PDLIM3: variants seen among roughly 807,000 people sequenced by gnomAD.
PDLIM3 encodes PDZ and LIM domain 3.
PDLIM3 carries 36 observed loss-of-function variants against 37.3 expected under a neutral mutation model. The ratio of observed to expected loss-of-function variants is 0.97; its 90% confidence interval spans 0.74 to 1.28. PDLIM3 has a LOEUF of 1.28. Ranked by LOEUF, PDLIM3 falls within the 50% of genes most tolerant of loss-of-function variation. The pLI is 0.00. For synonymous variants in PDLIM3, 174 were observed against 182.4 expected, an observed-to-expected ratio of 0.95 and a Z score of 0.37; for missense variants, 454 against 485.0, an observed-to-expected ratio of 0.94 and a Z score of 0.60.
chr4:185,532,320 G>A (rs2095745947), intron 1 of PDLIM3, among the ~76,000 whole-genome samples: 1 of 152,180 alleles, frequency 6.6e-6, no homozygotes, highest in South Asian at 2.1e-4. Flanking sequence ...CAGATTAGAA[G>A]GTTTCTGCCT....
At position 185,535,477 on chromosome 4, in the gene PDLIM3, A is replaced by G. The variant is rs1279832073; in HGVS notation, c.-43T>C. On this transcript the variant is annotated 5_prime_UTR_variant, in exon 1 of 8. Transcript: ENST00000284767. ...CACCGGGCTCTAAGTGTCCCCGCGC[A>G]GGGCAGCCACTCCGCGCCGGGCGGC... 2.6e-6 allele frequency: 4 copies of G among 1,510,674 alleles called. No individual in the cohort carries two copies. The highest frequency in any genetic ancestry group is 1.2e-5 in the South Asian group (1 of 82,100). The allele number at this position is 1,510,674 out of a possible 1,614,324, so 93.6% of individuals were successfully genotyped here. A position where few individuals can be genotyped will look rare whatever the true frequency, so the allele number is the denominator to read the frequency against.
At position 185,514,767 on chromosome 4, in the gene PDLIM3, T is replaced by C. The variant is rs748801058; in HGVS notation, c.331-430A>G. The C allele has an allele frequency of 6.4e-7, 1 of 1,552,054 alleles. No homozygotes were observed. The highest frequency in any genetic ancestry group is 8.7e-7 in the Non-Finnish European group (1 of 1,147,066). On this transcript the variant is annotated intron_variant, in intron 3 of 7. Transcript: ENST00000284767. The surrounding 1 kb of genome is among the most constrained non-coding windows in gnomAD (Gnocchi z 4.0). ...TGAAGCGCATCTTGTATATTGCTAG[T>C]TGAATAGAGCCCAATTGGCGAGTTA...
At chr4:185,510,655 GA>G (rs549467578) in intron 4 of PDLIM3, among the ~76,000 whole-genome samples, 1 of 151,562 alleles carries the variant, frequency 6.6e-6, no homozygotes, top group South Asian at 2.1e-4. Flanking sequence ...ATATTTATTG[GA>G]AAAAAAATCC....
At position 185,514,303 on chromosome 4, in the gene PDLIM3, C is replaced by T. The variant is rs751951109; in HGVS notation, c.365G>A (p.Arg122Gln). 11 of 1,613,994 alleles carry T rather than the reference C, an allele frequency of 6.8e-6. No individual in the cohort carries two copies. The highest frequency in any genetic ancestry group is 4.0e-5 in the African/African-American group (3 of 74,894). ...GNYFEHKHNI[R>Q]PKPFVIPGRS... is the part of the protein sequence containing the mutation. ...GCCCGGGATCACGAAAGGTTTGGGC[C>T]GAATATTATGCTTGTGTTCAAAGTA... The change falls in exon 4 of 8, where the codon CGG becomes CAG. Residue 122 changes from arginine (R) to glutamine (Q), a missense_variant. By Grantham distance (43) the Arg-to-Gln change is conservative. Coordinates refer to ENST00000284767, the MANE Select transcript of PDLIM3 (RefSeq NM_014476.6). The surrounding 1 kb of genome is among the most constrained non-coding windows in gnomAD (Gnocchi z 4.0).
chr4:185,528,661 A>G (rs1027078430), intron 1 of PDLIM3, among the ~76,000 whole-genome samples: 2 of 152,260 alleles, frequency 1.3e-5, no homozygotes, highest in Non-Finnish European at 2.9e-5. Context: ...CAGCTAGGAC[A>G]GGTGGTTGAT....
intron 7 of PDLIM3, among the ~76,000 whole-genome samples, chr4:185,503,887 G>T (rs1380478945): frequency 6.6e-6 from 1 of 152,200 alleles, no homozygotes; most frequent in Non-Finnish European, 1.5e-5. Flanking sequence ...GGTGGAGCTT[G>T]CAGTGAGCCA....
intron 3 of PDLIM3, among the ~76,000 whole-genome samples, chr4:185,519,368 C>T (rs1183584495): frequency 6.6e-6 from 1 of 152,196 alleles, no homozygotes; most frequent in African/African-American, 2.4e-5. Context: ...TCACTGCAAC[C>T]TCCACCTCTT....
chr4:185,515,651 A>G, intron 3 of PDLIM3: 1 of 152,164 alleles, frequency 6.6e-6, no homozygotes, highest in Non-Finnish European at 1.5e-5. Context: ...GGTTCACAGG[A>G]GGATTTTCAC....
At chr4:185,511,817 G>A (rs1321978237) in intron 4 of PDLIM3, among the ~76,000 whole-genome samples, 2 of 152,154 alleles carry the variant, frequency 1.3e-5, no homozygotes. Flanking sequence ...TCGAGGTGAT[G>A]GATACCCCCA....
Position 185,521,399 on chromosome 4 carries a change from CTT to C in PDLIM3, c.330+1961_330+1962del, listed in dbSNP as rs528835696. Among the ~76,000 whole-genome samples the C allele has an allele frequency of 1.9e-3, 84 of 44,988 alleles. 15 individuals carry two copies. Among genetic ancestry groups the C allele is most frequent in the African/African-American group, 2.9e-3 (79 of 27,222 alleles). The allele number at this position is 44,988 out of a possible 152,430, so 29.5% of individuals were successfully genotyped here. A position where few individuals can be genotyped will look rare whatever the true frequency, so the allele number is the denominator to read the frequency against. ...ATCCCACTCAACTTTCTTTTCTTTT[CTT>C]TTTTTTTTTTTTTGAGACAGGGTCT... On this transcript the variant is annotated intron_variant, in intron 3 of 7. Coordinates refer to ENST00000284767, the MANE Select transcript of PDLIM3 (RefSeq NM_014476.6).
At chr4:185,529,483 C>T (rs541079624) in intron 1 of PDLIM3, among the ~76,000 whole-genome samples, 8 of 152,182 alleles carry the variant, frequency 5.3e-5, no homozygotes, top group African/African-American at 1.7e-4. Flanking sequence ...AAGCACTGCA[C>T]GGTAGGCACG....
intron 6 of PDLIM3, among the ~76,000 whole-genome samples, chr4:185,505,577 T>C (rs2095695316): frequency 6.6e-6 from 1 of 151,340 alleles, no homozygotes; most frequent in African/African-American, 2.4e-5. Context: ...GCCAAGATTG[T>C]GCCACTCACT....
intron 4 of PDLIM3, 89 bp from the exon 5 acceptor site, chr4:185,508,651 T>C (rs2095701923): frequency 2.2e-6 from 3 of 1,349,390 alleles, no homozygotes; most frequent in South Asian, 2.4e-5. Context: ...ACAGAGAGGT[T>C]AAAAGGAATT....
rs1299231345 is a variant in PDLIM3 at position 185,502,406 on chromosome 4, T to C, written c.983A>G (p.Lys328Arg). ...TTCTATGAAGAAGTAGCCCTTTTGC[T>C]TGAGGTTGAGGTTGCAGTCGGCACA... ...FVCADCNLNL[K>R]QKGYFFIEGE... Residue 328 changes from lysine (K) to arginine (R), a missense_variant, in exon 8 of 8, where the codon AAG (lysine) becomes AGG (arginine). Transcript: ENST00000284767. 4.3e-6 allele frequency: 7 copies of C among 1,614,066 alleles called. No homozygotes were observed. The South Asian group carries it at 6.6e-5, about 15-fold the overall frequency.
chr4:185,525,878 CT>C (rs2095733227), intron 1 of PDLIM3, among the ~76,000 whole-genome samples: 1 of 152,194 alleles, frequency 6.6e-6, no homozygotes, highest in African/African-American at 2.4e-5. Context: ...GTATCCTAAC[CT>C]TGGATTTCCG....
intron 4 of PDLIM3, among the ~76,000 whole-genome samples, chr4:185,510,587 A>G (rs1328635524): frequency 6.6e-6 from 1 of 152,104 alleles, no homozygotes; most frequent in East Asian, 1.9e-4. Flanking sequence ...TTGATATTTC[A>G]AGGCTACCAT....
In PDLIM3 at chr4:185,514,593, T is replaced by G. The variant is rs1446840812; in HGVS notation, c.331-256A>C. On this transcript the variant is annotated intron_variant, in intron 3 of 7. Transcript: ENST00000284767. This position sits in a 1 kb window ranked among gnomAD's most constrained non-coding sequence, Gnocchi z 4.0. ...TGTCTTTAAAAGAGAAATCTGATAG[T>G]GCCTTCAGGAAAGTAAAAATAAAAC... is the stretch of plus-strand genomic sequence containing the variant. The G allele has an allele frequency of 3.2e-6, 4 of 1,269,616 alleles. No homozygotes were observed. 78.6% of individuals were successfully genotyped at this position (1,269,616 alleles called of 1,614,324 possible).
At position 185,514,789 on chromosome 4, in the gene PDLIM3, G is replaced by A. The variant is rs1428129821; in HGVS notation, c.331-452C>T. 1.9e-6 allele frequency: 3 copies of A among 1,551,880 alleles called. No individual in the cohort carries two copies. The highest frequency in any genetic ancestry group is 2.4e-5 in the East Asian group (1 of 40,928). ...TAGTTGAATAGAGCCCAATTGGCGA[G>A]TTATAGGAAGCGCTCACTACCTGTC... On this transcript the variant is annotated intron_variant, in intron 3 of 7. Coordinates refer to ENST00000284767, the MANE Select transcript of PDLIM3 (RefSeq NM_014476.6). The surrounding 1 kb of genome is among the most constrained non-coding windows in gnomAD (Gnocchi z 4.0).
intron 3 of PDLIM3, among the ~76,000 whole-genome samples, chr4:185,519,087 T>C (rs2153337088): frequency 6.6e-6 from 1 of 152,244 alleles, no homozygotes; most frequent in Admixed American, 6.5e-5. Flanking sequence ...CAACACTTCG[T>C]ACTAAAAAAT....
Sources: allele counts gnomAD v4.1 joint callset (sites outside exome capture counted in the v4.1 genomes callset), GRCh38; gene constraint gnomAD v4.1.1; non-coding constraint Gnocchi (gnomAD v3.1); transcripts MANE v1.5; gene names NCBI Gene and HGNC (gene_info 2026-07-23, HGNC 2026-07-21).